Variants in CEP112 observed in about 807,000 individuals in gnomAD.
CEP112 encodes centrosomal protein 112, also known as centrosomal protein of 112 kDa.
A neutral mutation model predicts 153.0 loss-of-function variants in CEP112; 127 were observed. The ratio of observed to expected loss-of-function variants is 0.83; its 90% confidence interval spans 0.72 to 0.96. The LOEUF is 0.96. Among genes scored for constraint, CEP112 ranks in the 40% least tolerant of loss-of-function variants. CEP112 has a pLI of 0.00. For synonymous variants in CEP112, 358 were observed against 374.4 expected (o/e 0.96, Z 0.51); for missense variants, 1,089 against 1,101.2 (o/e 0.99, Z 0.16).
chr17:66,000,909 G>A (rs2064015639), intron 17 of CEP112, among the ~76,000 whole-genome samples: 1 of 152,194 alleles, frequency 6.6e-6, no homozygotes, highest in Admixed American at 6.5e-5. Context: ...TATCTGGCAT[G>A]GGCTGATCGT....
intron 20 of CEP112, among the ~76,000 whole-genome samples, chr17:65,860,029 AAC>A (rs1431089329): frequency 2.7e-5 from 4 of 150,686 alleles, no homozygotes; most frequent in Non-Finnish European, 4.4e-5. Context: ...AAAAAAAAAA[AAC>A]AAAAACCTAT....
At chr17:65,884,772 C>T (rs1248116557) in intron 20 of CEP112, among the ~76,000 whole-genome samples, 9 of 135,592 alleles carry the variant, frequency 6.6e-5, no homozygotes, top group African/African-American at 2.5e-4. Context: ...GGCTGGAGTG[C>T]AAGGGCGCCA....
At chr17:66,134,200 T>C (rs940420851) in intron 4 of CEP112, among the ~76,000 whole-genome samples, 2 of 152,156 alleles carry the variant, frequency 1.3e-5, no homozygotes, top group African/African-American at 2.4e-5. Context: ...CATAAAAAAA[T>C]ACTAATTTAA....
At chr17:65,873,148 C>G (rs1415864284) in intron 20 of CEP112, 1 of 152,300 alleles carries the variant, frequency 6.6e-6, no homozygotes, top group East Asian at 1.9e-4. Context: ...TACCCACACT[C>G]AAGCCAAAAT....
intron 24 of CEP112, among the ~76,000 whole-genome samples, chr17:65,679,614 A>T (rs1248531118): frequency 6.6e-6 from 1 of 152,200 alleles, no homozygotes; most frequent in African/African-American, 2.4e-5. Flanking sequence ...AATTCTTTTT[A>T]ACAATTGTCA....
intron 24 of CEP112, among the ~76,000 whole-genome samples, chr17:65,681,442 C>A (rs1449006854): frequency 6.6e-6 from 1 of 151,514 alleles, no homozygotes; most frequent in East Asian, 1.9e-4. Flanking sequence ...ATCAAGACGA[C>A]TCTGACATGC....
chr17:65,760,415 T>G (rs2052542785), intron 21 of CEP112, among the ~76,000 whole-genome samples: 1 of 152,158 alleles, frequency 6.6e-6, no homozygotes, highest in African/African-American at 2.4e-5. Flanking sequence ...ATGTTCTTTA[T>G]CAAGTTGAGG....
intron 16 of CEP112, among the ~76,000 whole-genome samples, chr17:66,014,365 G>T (rs1252135454): frequency 2.0e-5 from 3 of 152,190 alleles, no homozygotes; most frequent in Non-Finnish European, 4.4e-5. Flanking sequence ...GCCAGGCTAT[G>T]GTCCCAGGAG....
intron 6 of CEP112, among the ~76,000 whole-genome samples, chr17:66,117,856 A>G (rs2069373663): frequency 6.6e-6 from 1 of 152,226 alleles, no homozygotes; most frequent in Non-Finnish European, 1.5e-5. Flanking sequence ...AGAAGATCTC[A>G]ATAGACACTT....
chr17:65,754,653 C>T (rs1235766351), intron 21 of CEP112, among the ~76,000 whole-genome samples: 4 of 148,802 alleles, frequency 2.7e-5, no homozygotes, highest in Non-Finnish European at 2.9e-5. Context: ...AAATACAATA[C>T]AGTGTAGAGG....
intron 18 of CEP112, among the ~76,000 whole-genome samples, chr17:65,959,225 C>T (rs2058491004): frequency 6.6e-6 from 1 of 152,046 alleles, no homozygotes; most frequent in Admixed American, 6.5e-5. Flanking sequence ...CTGAGAGCTG[C>T]AGAGATGATG....
At chr17:65,640,197 A>G (rs1260993551) in intron 25 of CEP112, among the ~76,000 whole-genome samples, 1 of 120,818 alleles carries the variant, frequency 8.3e-6, no homozygotes, top group Non-Finnish European at 1.7e-5. Context: ...TCTGTCATCC[A>G]GGCTGGAGTG....
At chr17:65,979,395 G>T (rs1347798934) in intron 17 of CEP112, among the ~76,000 whole-genome samples, 1 of 151,738 alleles carries the variant, frequency 6.6e-6, no homozygotes, top group African/African-American at 2.4e-5. Flanking sequence ...CTCTACGCGG[G>T]TCTATTTTTA....
intron 19 of CEP112, among the ~76,000 whole-genome samples, chr17:65,921,275 A>G (rs2060718569): frequency 6.6e-6 from 1 of 152,168 alleles, no homozygotes; most frequent in African/African-American, 2.4e-5. Flanking sequence ...GAAGGAAATG[A>G]GCTTAGTTTA....
chr17:65,651,928 C>T (rs577424431), intron 24 of CEP112, among the ~76,000 whole-genome samples: 3 of 152,292 alleles, frequency 2.0e-5, no homozygotes, highest in African/African-American at 7.2e-5. Flanking sequence ...GTCTCCAACT[C>T]CTGACCTCAG....
At chr17:65,853,258 A>G (rs188717081) in intron 20 of CEP112, among the ~76,000 whole-genome samples, 3 of 151,918 alleles carry the variant, frequency 2.0e-5, no homozygotes, top group East Asian at 3.9e-4. Context: ...CCTGACAGTC[A>G]CTGTGCCTTG....
intron 19 of CEP112, among the ~76,000 whole-genome samples, chr17:65,907,363 T>C (rs1343979311): frequency 3.3e-5 from 5 of 152,166 alleles, no homozygotes; most frequent in African/African-American, 7.2e-5. Flanking sequence ...ACATAAATAG[T>C]CATAAATGAT....
intron 12 of CEP112, among the ~76,000 whole-genome samples, chr17:66,049,468 G>C (rs146520466): frequency 2.0e-5 from 3 of 152,138 alleles, no homozygotes; most frequent in Non-Finnish European, 4.4e-5. Context: ...AGTCAAATGA[G>C]GCCAGCTGCA....
chr17:66,176,692 A>G (rs575226057), intron 3 of CEP112, 138 bp downstream of exon 3: 227 of 539,278 alleles, frequency 4.2e-4, no homozygotes, highest in Middle Eastern at 2.1e-3. Flanking sequence ...AAAAAATTGA[A>G]TCAGGAAGAA....
Sources: allele counts gnomAD v4.1 joint callset (sites outside exome capture counted in the v4.1 genomes callset), GRCh38; gene constraint gnomAD v4.1.1; transcripts MANE v1.5; gene names NCBI Gene and HGNC (gene_info 2026-07-23, HGNC 2026-07-21).